The following PCM1 variants were observed in gnomAD, a reference collection of about 807,000 sequenced individuals.
PCM1 encodes the protein pericentriolar material 1.
In PCM1, 157 loss-of-function variants were observed where a neutral mutation model predicts 241.9. That is an observed-to-expected ratio of 0.65 (90% confidence interval 0.57 to 0.74). PCM1 has a LOEUF of 0.74. Ranked by LOEUF, PCM1 falls within the 30% of genes least tolerant of loss-of-function variation. The pLI is 0.00. For synonymous variants in PCM1, 1,085 were observed against 784.9 expected (o/e 1.38, Z -6.39); for missense variants, 3,478 against 2,360.1 (o/e 1.47, Z -9.81).
In PCM1 at chr8:17,960,350, A is replaced by C; in HGVS notation, c.2228A>C (p.Gln743Pro). 1 of 1,599,134 alleles carries C rather than the reference A, an allele frequency of 6.3e-7. No individual in the cohort carries two copies. The highest frequency in any genetic ancestry group is 1.4e-5 in the African/African-American group (1 of 73,744). ...KFYEAKLQQQ[Q>P]RELKQLQEER... is the part of the protein sequence containing the mutation. ...TATGAGGCTAAACTACAGCAGCAACAGAGAGAGCTAAAACAATTGCAGGAA... is the reference window on the plus strand; with the variant it reads ...TATGAGGCTAAACTACAGCAGCAACCGAGAGAGCTAAAACAATTGCAGGAA... The change falls in exon 15 of 39, where the codon CAG becomes CCG. Residue 743 changes from glutamine to proline, a missense_variant. Transcript: ENST00000325083.
At chr8:17,994,923 G>C (rs2086117488) in intron 29 of PCM1, among the ~76,000 whole-genome samples, 2 of 151,288 alleles carry the variant, frequency 1.3e-5, no homozygotes, top group Non-Finnish European at 2.9e-5. Context: ...ATATATGCTG[G>C]TTATTAATCC....
At chr8:17,986,558 T>G (rs936397437) in intron 26 of PCM1, among the ~76,000 whole-genome samples, 2 of 149,332 alleles carry the variant, frequency 1.3e-5, no homozygotes, top group Non-Finnish European at 3.0e-5. Context: ...ATGGAGAAAA[T>G]TTTGAATAGA....
chr8:17,929,837 A>C (rs569000798), intron 2 of PCM1, among the ~76,000 whole-genome samples: 1 of 152,320 alleles, frequency 6.6e-6, no homozygotes, highest in African/African-American at 2.4e-5. Flanking sequence ...GCTCAGTAAG[A>C]GATTAACAAT....
chr8:17,985,122 A>C (rs2082181218), intron 24 of PCM1, among the ~76,000 whole-genome samples: 1 of 151,890 alleles, frequency 6.6e-6, no homozygotes, highest in African/African-American at 2.4e-5. Flanking sequence ...CTAAGTGTTG[A>C]AAGATTTTCA....
At chr8:17,987,350 A>T (rs1166943225) in intron 26 of PCM1, among the ~76,000 whole-genome samples, 1 of 151,722 alleles carries the variant, frequency 6.6e-6, no homozygotes, top group East Asian at 1.9e-4. Context: ...TCCTAGACGT[A>T]TTTTTCAATA....
intron 36 of PCM1, among the ~76,000 whole-genome samples, chr8:18,022,114 G>C (rs533796873): frequency 1.3e-5 from 2 of 152,074 alleles, no homozygotes; most frequent in African/African-American, 4.8e-5. Context: ...CAAAACTTCA[G>C]GGTTTTCAGC....
Position 17,957,615 on chromosome 8 carries a change from A to G in PCM1, c.1880A>G (p.Glu627Gly), listed in dbSNP as rs760281112. The G allele has an allele frequency of 5.1e-6, 8 of 1,578,498 alleles. No individual in the cohort carries two copies. Among genetic ancestry groups the G allele is most frequent in the Non-Finnish European group, 6.9e-6 (8 of 1,160,972 alleles). ...QGEDDEEEEE[E>G]AEEEGVSGAS... ...GAAGATGATGAGGAGGAGGAGGAAGAAGCAGAAGAGGAGGGAGTCAGTGGA... is the reference window on the plus strand; with the variant it reads ...GAAGATGATGAGGAGGAGGAGGAAGGAGCAGAAGAGGAGGGAGTCAGTGGA... Residue 627 changes from glutamate (E) to glycine (G), a missense_variant, in exon 13 of 39, where the codon GAA becomes GGA. Glu to Gly is a moderately conservative substitution (Grantham distance 98, BLOSUM62 -2). Coordinates refer to ENST00000325083, the MANE Select transcript of PCM1 (RefSeq NM_006197.4).
At chr8:17,977,149 T>C (rs1458294686) in intron 23 of PCM1, among the ~76,000 whole-genome samples, 1 of 152,244 alleles carries the variant, frequency 6.6e-6, no homozygotes, top group African/African-American at 2.4e-5. Context: ...CTTTAGATCA[T>C]TGTATGTTAT....
intron 36 of PCM1, among the ~76,000 whole-genome samples, chr8:18,024,564 G>T (rs750404227): frequency 1.3e-5 from 2 of 152,062 alleles, no homozygotes; most frequent in Non-Finnish European, 2.9e-5. Flanking sequence ...TTGTCTAGTT[G>T]CCATAGAAGA....
intron 6 of PCM1, among the ~76,000 whole-genome samples, chr8:17,944,772 A>C (rs1002139178): frequency 6.6e-6 from 1 of 152,080 alleles, no homozygotes; most frequent in Non-Finnish European, 1.5e-5. Flanking sequence ...TTTTTTGAGC[A>C]TCAGTCTGAA....
chr8:17,979,708 T>C (rs2080039114), intron 23 of PCM1, among the ~76,000 whole-genome samples: 2 of 152,172 alleles, frequency 1.3e-5, no homozygotes, highest in African/African-American at 4.8e-5. Flanking sequence ...CATAAGATTA[T>C]TAAATACCAT....
At chr8:18,010,919 GC>G (rs1223323198) in intron 32 of PCM1, among the ~76,000 whole-genome samples, 1 of 152,118 alleles carries the variant, frequency 6.6e-6, no homozygotes, top group African/African-American at 2.4e-5. Context: ...GTGGTATTGA[GC>G]CGAGATCATG....
intron 23 of PCM1, among the ~76,000 whole-genome samples, chr8:17,974,224 A>G (rs2077854550): frequency 6.6e-6 from 1 of 152,214 alleles, no homozygotes; most frequent in Admixed American, 6.5e-5. Flanking sequence ...CTTTTCCAAG[A>G]TTACTGTTGG....
intron 5 of PCM1, 90 bp downstream of exon 5, chr8:17,939,099 AT>A: frequency 7.8e-7 from 1 of 1,288,786 alleles, no homozygotes; most frequent in Non-Finnish European, 1.1e-6. Context: ...GCACACAGGA[AT>A]TTTAGTTGGG....
At position 17,952,921 on chromosome 8, in the gene PCM1, T is replaced by C. The variant is rs779271692; in HGVS notation, c.1072-49T>C. The C allele has an allele frequency of 8.0e-6, 9 of 1,127,646 alleles. No homozygotes were observed. In the East Asian group the frequency reaches 1.8e-4, roughly 22 times the overall value. The allele number at this position is 1,127,646 out of a possible 1,614,324, so 69.9% of individuals were successfully genotyped here. On this transcript the variant is annotated intron_variant, in intron 8 of 38. Transcript: ENST00000325083. ...TGCATTTAAAAAATGAGAATGCATT[T>C]AATTGCGTTAGTCTTAATTCTTCTT...
chr8:17,956,790 C>T lies in PCM1; in HGVS notation c.1646+13C>T, dbSNP rs2129461931. 6.3e-7 allele frequency: 1 copy of T among 1,594,688 alleles called. No individual in the cohort carries two copies. On this transcript the variant is annotated intron_variant, in intron 11 of 38. Transcript: ENST00000325083. The stretch of plus-strand genomic sequence containing the variant: ...TTACTAACATTCGGTAAGAACTTTT[C>T]TGGGGATGTTTTTCCAGCATATTCA...
chr8:18,025,750 G>T, intron 38 of PCM1, 92 bp downstream of exon 38: 1 of 708,506 alleles, frequency 1.4e-6, no homozygotes, highest in Non-Finnish European at 2.3e-6. Context: ...TGCTACTACT[G>T]ACCTGGGAGA....
intron 24 of PCM1, among the ~76,000 whole-genome samples, chr8:17,981,852 C>G (rs2080943640): frequency 1.3e-5 from 2 of 151,480 alleles, no homozygotes; most frequent in African/African-American, 4.9e-5. Context: ...AGAAGTCATG[C>G]CCTTAATCCA....
chr8:18,018,893 C>CAT (rs749438200), intron 36 of PCM1, among the ~76,000 whole-genome samples: 61,032 of 120,070 alleles, frequency 0.51, 15,753 homozygotes, highest in Middle Eastern at 0.61. Flanking sequence ...CACACATATA[C>CAT]ATACACATAT....
Sources: allele counts gnomAD v4.1 joint callset (sites outside exome capture counted in the v4.1 genomes callset), GRCh38; gene constraint gnomAD v4.1.1; transcripts MANE v1.5; gene names NCBI Gene and HGNC (gene_info 2026-07-23, HGNC 2026-07-21).